Variants in FER1L6 observed in about 807,000 individuals in gnomAD.
The protein encoded by FER1L6 is fer-1 like family member 6, also known as fer-1-like protein 6.
A neutral mutation model predicts 219.2 loss-of-function variants in FER1L6; 177 were observed. The ratio of observed to expected loss-of-function variants is 0.81; its 90% CI spans 0.71 to 0.91. FER1L6 has a LOEUF of 0.91. FER1L6 is among the 40% of genes least tolerant of loss of function. The probability of loss-of-function intolerance (pLI) is 0.00; values close to 1 mark genes in which losing one functional copy is unlikely to be tolerated. For synonymous variants in FER1L6, 768 were observed against 824.3 expected, an observed-to-expected ratio of 0.93 and a Z score of 1.17; for missense variants, 2,153 against 2,259.9, an observed-to-expected ratio of 0.95 and a Z score of 0.96.
At chr8:124,012,307 G>T (rs983706149) in intron 14 of FER1L6, among the ~76,000 whole-genome samples, 6 of 152,182 alleles carry the variant, frequency 3.9e-5, no homozygotes, top group Non-Finnish European at 2.9e-5. Context: ...CCTAGTCTGG[G>T]GTCACAGCAC....
chr8:124,101,623 A>G (rs1418514193), intron 38 of FER1L6, among the ~76,000 whole-genome samples: 1 of 152,244 alleles, frequency 6.6e-6, no homozygotes, highest in Non-Finnish European at 1.5e-5. Flanking sequence ...CAGTTGTAAA[A>G]TGAGGGTAGT....
chr8:123,929,216 G>C (rs1813675862), intron 1 of FER1L6, among the ~76,000 whole-genome samples: 1 of 152,180 alleles, frequency 6.6e-6, no homozygotes, highest in Admixed American at 6.5e-5. Context: ...ACGTTTTATT[G>C]AGTGGCTACT....
chr8:123,961,711 G>A (rs1815286045), intron 2 of FER1L6, among the ~76,000 whole-genome samples: 1 of 152,202 alleles, frequency 6.6e-6, no homozygotes, highest in Admixed American at 6.5e-5. Flanking sequence ...ACACGTGCAT[G>A]TTATATATGA....
At chr8:123,966,347 T>G in intron 5 of FER1L6, 57 bp downstream of exon 5, 2 of 1,600,294 alleles carry the variant, frequency 1.2e-6, no homozygotes, top group Non-Finnish European at 8.5e-7. Flanking sequence ...ACCACCATTC[T>G]GCAGGATCCT....
At chr8:123,874,120 C>A (rs1256463207) in intron 1 of FER1L6, among the ~76,000 whole-genome samples, 2 of 152,200 alleles carry the variant, frequency 1.3e-5, no homozygotes, top group Non-Finnish European at 2.9e-5. Context: ...TATTCCCAGA[C>A]AGCTAAATGA....
At chr8:124,088,055 C>A (rs1821857087) in intron 33 of FER1L6, among the ~76,000 whole-genome samples, 2 of 152,086 alleles carry the variant, frequency 1.3e-5, no homozygotes, top group African/African-American at 4.8e-5. Flanking sequence ...GCCTGGCTAC[C>A]ACCTGTGTTC....
chr8:124,072,529 C>T (rs1370505762), intron 31 of FER1L6, among the ~76,000 whole-genome samples: 1 of 152,134 alleles, frequency 6.6e-6, no homozygotes, highest in Admixed American at 6.5e-5. Context: ...CGTTTGCTTC[C>T]ATTGCCTACA....
In FER1L6 at chr8:124,076,331, T is replaced by G; in HGVS notation, c.4220+6T>G. On this transcript the variant is annotated splice_donor_region_variant and intron_variant, in intron 32 of 40. Coordinates refer to ENST00000522917, the MANE Select transcript of FER1L6 (RefSeq NM_001039112.2). Reference sequence around the variant, plus strand: ...CTGAACCCAGTATTTGGAAGGTCAGTGGCCATCTGGGCTGTGTTTTATTGT... The same window carrying G: ...CTGAACCCAGTATTTGGAAGGTCAGGGGCCATCTGGGCTGTGTTTTATTGT... The G allele has an allele frequency of 1.2e-6, 2 of 1,612,922 alleles. No homozygotes were observed. The highest frequency in any genetic ancestry group is 1.7e-6 in the Non-Finnish European group (2 of 1,179,104).
intron 20 of FER1L6, among the ~76,000 whole-genome samples, chr8:124,041,153 A>T (rs181670472): frequency 6.6e-6 from 1 of 152,284 alleles, no homozygotes; most frequent in Admixed American, 6.5e-5. Context: ...TCAGGGAGTT[A>T]AGCACCATGG....
At chr8:124,090,020 A>C (rs953664903) in intron 33 of FER1L6, among the ~76,000 whole-genome samples, 8 of 152,314 alleles carry the variant, frequency 5.3e-5, no homozygotes, top group African/African-American at 1.9e-4. Context: ...ATATTCTCAT[A>C]CAAAAGCCAC....
At chr8:123,885,382 C>G (rs999551485) in intron 1 of FER1L6, among the ~76,000 whole-genome samples, 3 of 152,172 alleles carry the variant, frequency 2.0e-5, no homozygotes, top group Non-Finnish European at 4.4e-5. Flanking sequence ...TGTCTTGTAT[C>G]TTATTCTCTC....
chr8:124,035,511 A>G, intron 19 of FER1L6, 57 bp downstream of exon 19: 5 of 1,541,858 alleles, frequency 3.2e-6, no homozygotes, highest in Non-Finnish European at 4.4e-6. Flanking sequence ...GCTTCTGAAA[A>G]GATAATAAGG....
At chr8:123,987,467 T>C (rs760879104) in intron 12 of FER1L6, among the ~76,000 whole-genome samples, 8 of 152,240 alleles carry the variant, frequency 5.3e-5, no homozygotes, top group Non-Finnish European at 8.8e-5. Context: ...TCCTGTTCTG[T>C]GGATTGTCTC....
intron 34 of FER1L6, among the ~76,000 whole-genome samples, chr8:124,093,963 T>C (rs953018935): frequency 5.9e-5 from 9 of 152,178 alleles, no homozygotes; most frequent in African/African-American, 2.2e-4. Context: ...CTATATCAAA[T>C]TAGGCCATTC....
chr8:123,915,190 T>A (rs1034840832), intron 1 of FER1L6, among the ~76,000 whole-genome samples: 1 of 152,032 alleles, frequency 6.6e-6, no homozygotes, highest in Non-Finnish European at 1.5e-5. Context: ...TAAATGAGAG[T>A]TGAGGTCTTT....
intron 1 of FER1L6, among the ~76,000 whole-genome samples, chr8:123,859,548 C>CTT (rs540137748): frequency 4.2e-4 from 56 of 134,094 alleles, no homozygotes; most frequent in South Asian, 4.8e-4. Context: ...TGCTCTGTTT[C>CTT]TTTTTTTTTT....
At chr8:124,015,616 T>TATATATATATGTATATA (rs1586593989) in intron 15 of FER1L6, among the ~76,000 whole-genome samples, 1 of 128,608 alleles carries the variant, frequency 7.8e-6, no homozygotes, top group Non-Finnish European at 1.7e-5. Flanking sequence ...TATATATATA[T>TATATATATATGTATATA]TACTCCTGCT....
chr8:123,898,201 A>G (rs1812777745), intron 1 of FER1L6, among the ~76,000 whole-genome samples: 1 of 152,192 alleles, frequency 6.6e-6, no homozygotes, highest in Non-Finnish European at 1.5e-5. Flanking sequence ...AAACTATTAA[A>G]CTTAGAGGAA....
At chr8:123,868,470 A>T (rs1172541159) in intron 1 of FER1L6, among the ~76,000 whole-genome samples, 1 of 152,304 alleles carries the variant, frequency 6.6e-6, no homozygotes, top group East Asian at 1.9e-4. Context: ...ATTTTCCCTG[A>T]TCATTTTATT....
Sources: allele counts gnomAD v4.1 joint callset (sites outside exome capture counted in the v4.1 genomes callset), GRCh38; gene constraint gnomAD v4.1.1; transcripts MANE v1.5; gene names NCBI Gene and HGNC (gene_info 2026-07-23, HGNC 2026-07-21).